Variants in HHAT observed in about 807,000 individuals in gnomAD.
HHAT encodes the protein protein-cysteine N-palmitoyltransferase HHAT.
Under a neutral mutation model 70.8 loss-of-function variants are expected in HHAT, and 47 were observed. The ratio of observed to expected loss-of-function variants is 0.66; its 90% confidence interval spans 0.53 to 0.85. The LOEUF (loss-of-function observed/expected upper bound fraction) is 0.85. Ranked by LOEUF, HHAT falls within the 40% of genes least tolerant of loss-of-function variation. HHAT has a pLI of 0.00. For synonymous variants in HHAT, 228 were observed against 247.6 expected (o/e 0.92, Z 0.74); for missense variants, 609 against 604.8 (o/e 1.01, Z -0.07).
At chr1:210,669,372 C>A (rs1679623117) in intron 11 of HHAT, among the ~76,000 whole-genome samples, 1 of 142,698 alleles carries the variant, frequency 7.0e-6, no homozygotes, top group Admixed American at 7.1e-5. Context: ...CTGTGTCCTA[C>A]CTGTTTCTCA....
chr1:210,399,305 G>T (rs918636032), intron 4 of HHAT, among the ~76,000 whole-genome samples: 1 of 152,202 alleles, frequency 6.6e-6, no homozygotes, highest in African/African-American at 2.4e-5. Flanking sequence ...TGCCCAGGCT[G>T]GAGTGCAATG....
intron 1 of HHAT, among the ~76,000 whole-genome samples, chr1:210,337,614 C>T (rs2085622395): frequency 6.6e-6 from 1 of 152,166 alleles, no homozygotes; most frequent in African/African-American, 2.4e-5. Flanking sequence ...CTAACCTCTG[C>T]CTCCATCATC....
At chr1:210,386,449 G>A (rs1013207419) in intron 3 of HHAT, among the ~76,000 whole-genome samples, 2 of 150,650 alleles carry the variant, frequency 1.3e-5, no homozygotes, top group African/African-American at 2.4e-5. Context: ...CGTTTTAGCC[G>A]GGATGGTCTC....
At chr1:210,443,237 G>C (rs2093563417) in intron 7 of HHAT, among the ~76,000 whole-genome samples, 1 of 143,428 alleles carries the variant, frequency 7.0e-6, no homozygotes, top group Non-Finnish European at 1.6e-5. Flanking sequence ...ATGCTGTTTT[G>C]GTTACTGTAG....
intron 8 of HHAT, among the ~76,000 whole-genome samples, chr1:210,475,609 C>T (rs550966735): frequency 6.6e-6 from 1 of 152,306 alleles, no homozygotes; most frequent in South Asian, 2.1e-4. Context: ...TCTTCTTTCT[C>T]TTTCTTTTTC....
At chr1:210,437,683 C>T (rs2093411381) in intron 7 of HHAT, among the ~76,000 whole-genome samples, 1 of 151,782 alleles carries the variant, frequency 6.6e-6, no homozygotes, top group African/African-American at 2.4e-5. Flanking sequence ...ATTTAGACTG[C>T]CGGGCCCTTT....
intron 9 of HHAT, among the ~76,000 whole-genome samples, chr1:210,542,520 G>C (rs1224592734): frequency 6.6e-6 from 1 of 151,246 alleles, no homozygotes; most frequent in African/African-American, 2.4e-5. Flanking sequence ...TATATTGGTT[G>C]GATGCAGTGG....
chr1:210,547,798 C>T (rs561611876), intron 9 of HHAT, among the ~76,000 whole-genome samples: 1 of 152,326 alleles, frequency 6.6e-6, no homozygotes, highest in Middle Eastern at 3.4e-3. Flanking sequence ...TCCAGAACCT[C>T]ACCGAACAAC....
At chr1:210,429,933 G>A (rs979864553) in intron 7 of HHAT, among the ~76,000 whole-genome samples, 1 of 151,774 alleles carries the variant, frequency 6.6e-6, no homozygotes, top group Non-Finnish European at 1.5e-5. Context: ...CATTATGCTT[G>A]CATTTGATAG....
chr1:210,508,452 A>T (rs1232854682), intron 8 of HHAT, among the ~76,000 whole-genome samples: 1 of 151,958 alleles, frequency 6.6e-6, no homozygotes, highest in African/African-American at 2.4e-5. Flanking sequence ...TAACATTTTT[A>T]AAATATCACA....
At chr1:210,585,551 T>G (rs1660249687) in intron 9 of HHAT, among the ~76,000 whole-genome samples, 1 of 152,152 alleles carries the variant, frequency 6.6e-6, no homozygotes, top group South Asian at 2.1e-4. Flanking sequence ...TCCAAGTAGC[T>G]GGGACTACAG....
intron 9 of HHAT, among the ~76,000 whole-genome samples, chr1:210,537,059 A>G (rs1484046677): frequency 6.6e-6 from 1 of 152,144 alleles, no homozygotes. Flanking sequence ...TAGGGCTTCA[A>G]GTTTGAAATA....
intron 9 of HHAT, among the ~76,000 whole-genome samples, chr1:210,575,988 T>G (rs1657639325): frequency 6.6e-6 from 1 of 152,120 alleles, no homozygotes; most frequent in African/African-American, 2.4e-5. Context: ...TGACTTACCC[T>G]GACACACCCA....
intron 7 of HHAT, among the ~76,000 whole-genome samples, chr1:210,457,942 C>T (rs1297522259): frequency 2.0e-5 from 3 of 152,196 alleles, no homozygotes; most frequent in Admixed American, 6.5e-5. Context: ...ACAATATCAG[C>T]AAGTACAAAA....
chr1:210,417,478 G>T (rs1406361249), intron 6 of HHAT, among the ~76,000 whole-genome samples: 1 of 152,130 alleles, frequency 6.6e-6, no homozygotes, highest in Non-Finnish European at 1.5e-5. Context: ...CAGGTGATCT[G>T]CCCACCTGGG....
In HHAT at chr1:210,373,702, A is replaced by G. The variant is rs115554358; in HGVS notation, c.159+10783A>G. Among the ~76,000 whole-genome samples the G allele has an allele frequency of 5.2e-3, 787 of 152,344 alleles. 7 individuals carry two copies. The highest frequency in any genetic ancestry group is 0.017 in the African/African-American group (726 of 41,584). ...AGGCAAGCAGTGGAAACCAGTTTAC[A>G]CCAAGCTGATCAGTGGAATTGATGG... is the stretch of plus-strand genomic sequence containing the variant. On this transcript the variant is annotated intron_variant, in intron 3 of 11. Coordinates refer to ENST00000261458, the MANE Select transcript of HHAT (RefSeq NM_018194.6).
At chr1:210,641,213 T>G (rs1222470535) in intron 11 of HHAT, among the ~76,000 whole-genome samples, 1 of 152,184 alleles carries the variant, frequency 6.6e-6, no homozygotes, top group African/African-American at 2.4e-5. Flanking sequence ...AGCACTTGTC[T>G]TCCTATTAGT....
At chr1:210,562,787 A>T (rs934085713) in intron 9 of HHAT, among the ~76,000 whole-genome samples, 4 of 147,264 alleles carry the variant, frequency 2.7e-5, no homozygotes, top group African/African-American at 9.9e-5. Flanking sequence ...GTATATTTCC[A>T]AATGCTATCC....
intron 9 of HHAT, among the ~76,000 whole-genome samples, chr1:210,571,964 C>G (rs1418864597): frequency 6.6e-6 from 1 of 152,172 alleles, no homozygotes; most frequent in African/African-American, 2.4e-5. Flanking sequence ...TGGGATTTTT[C>G]AAATAAGCAT....
Sources: allele counts gnomAD v4.1 joint callset (sites outside exome capture counted in the v4.1 genomes callset), GRCh38; gene constraint gnomAD v4.1.1; transcripts MANE v1.5; gene names NCBI Gene and HGNC (gene_info 2026-07-23, HGNC 2026-07-21).